DNAH6: variants seen among roughly 807,000 people sequenced by gnomAD.
DNAH6 encodes dynein axonemal heavy chain 6.
A neutral mutation model predicts 491.4 loss-of-function variants in DNAH6; 340 were observed. That is an observed-to-expected ratio of 0.69 (90% CI 0.63 to 0.76). The LOEUF is 0.76. DNAH6 is among the 30% of genes least tolerant of loss of function. The probability of loss-of-function intolerance (pLI) is 0.00; values close to 1 mark genes in which losing one functional copy is unlikely to be tolerated. For synonymous variants in DNAH6, 1,603 were observed against 1,686.1 expected, an observed-to-expected ratio of 0.95 and a Z score of 1.21; for missense variants, 4,443 against 4,972.2, an observed-to-expected ratio of 0.89 and a Z score of 3.20.
At chr2:84,580,809 T>G (rs1381883325) in intron 14 of DNAH6, among the ~76,000 whole-genome samples, 1 of 152,090 alleles carries the variant, frequency 6.6e-6, no homozygotes, top group East Asian at 1.9e-4. Context: ...GGATCCTACT[T>G]AAGGATTCAG....
chr2:84,795,626 G>A (rs1678269943), intron 68 of DNAH6, among the ~76,000 whole-genome samples: 1 of 152,182 alleles, frequency 6.6e-6, no homozygotes, highest in Non-Finnish European at 1.5e-5. Context: ...CACTACAGTG[G>A]TGAATGGTGA....
At chr2:84,620,502 C>G (rs980401729) in intron 24 of DNAH6, among the ~76,000 whole-genome samples, 1 of 152,132 alleles carries the variant, frequency 6.6e-6, no homozygotes, top group Non-Finnish European at 1.5e-5. Context: ...TGCACACACA[C>G]ACAAAGTCAA....
chr2:84,771,684 T>TG (rs1001937238), intron 64 of DNAH6, among the ~76,000 whole-genome samples: 38 of 152,276 alleles, frequency 2.5e-4, no homozygotes, highest in Admixed American at 9.8e-4. Context: ...CAAAGTGCTG[T>TG]GGGGGAAAGA....
At chr2:84,665,167 C>T (rs960702043) in intron 37 of DNAH6, among the ~76,000 whole-genome samples, 21 of 151,942 alleles carry the variant, frequency 1.4e-4, no homozygotes, top group South Asian at 4.2e-4. Context: ...AAATTGACAC[C>T]CTAGCATCAC....
At position 84,579,620 on chromosome 2, in the gene DNAH6, C is replaced by T. The variant is rs142042706; in HGVS notation, c.2170C>T (p.Pro724Ser). 97 of 1,611,210 alleles carry T rather than the reference C, an allele frequency of 6.0e-5. 1 individual carries two copies. The Middle Eastern group carries it at 6.6e-4, about 11-fold the overall frequency. ...TGCAGAGTATAAACTTGAGTTTGTT[C>T]CAACTACTACCACAGAATATGTTCA... ...QDAEYKLEFV[P>S]TTTTEYVHSL... The change falls in exon 14 of 77, where the codon CCA becomes TCA. Residue 724 changes from proline to serine, a missense_variant. By Grantham distance (74) the Pro-to-Ser change is moderately conservative (BLOSUM62 -1). Around this residue, in one of 3 missense-constraint regions of DNAH6, gnomAD observed 2,977 missense variants for 3,296.6 expected, o/e 0.90. Transcript: ENST00000389394.
At chr2:84,668,158 G>A (rs907546665) in intron 37 of DNAH6, among the ~76,000 whole-genome samples, 2 of 152,176 alleles carry the variant, frequency 1.3e-5, no homozygotes, top group Admixed American at 1.3e-4. Context: ...GTTAACAGGT[G>A]CAGGGCACCA....
chr2:84,704,425 A>ATTGATT, intron 51 of DNAH6, 123 bp downstream of exon 51: 2 of 730,968 alleles, frequency 2.7e-6, no homozygotes, highest in Non-Finnish European at 4.4e-6. Flanking sequence ...TGGTCATTCA[A>ATTGATT]CAAATTGATT....
chr2:84,815,846 G>A lies in DNAH6; in HGVS notation c.12151-15G>A, dbSNP rs1432568849. On this transcript the variant is annotated splice_polypyrimidine_tract_variant and intron_variant, in intron 75 of 76. Coordinates refer to ENST00000389394, the MANE Select transcript of DNAH6 (RefSeq NM_001370.2). The stretch of plus-strand genomic sequence containing the variant: ...TTTCCCCCATCTCACTTTGAGACTT[G>A]TGGGTATCTTTCAGTTGCCCTCTCC... The A allele has an allele frequency of 9.7e-6, 15 of 1,540,788 alleles. No individual in the cohort carries two copies. Among genetic ancestry groups the A allele is most frequent in the Non-Finnish European group, 1.3e-5 (15 of 1,138,530 alleles).
chr2:84,604,202 A>C, intron 18 of DNAH6, 137 bp from the exon 19 acceptor site: 1 of 669,494 alleles, frequency 1.5e-6, no homozygotes, highest in Non-Finnish European at 2.5e-6. Context: ...ATTTGCAGTC[A>C]TCCAGATTTT....
rs200462540 is a variant in DNAH6, at chr2:84,672,393, A to G, written c.6521A>G (p.Tyr2174Cys). 5.5e-5 allele frequency: 85 copies of G among 1,551,740 alleles called. No homozygotes were observed. Among genetic ancestry groups the G allele is most frequent in the Middle Eastern group, 1.7e-4 (1 of 5,992 alleles). The change falls in exon 40 of 77, where the codon TAT (tyrosine) becomes TGT (cysteine). Residue 2174 changes from tyrosine (Y) to cysteine (C), a missense_variant. Physicochemically the swap from Tyr to Cys is radical, Grantham distance 194 (BLOSUM62 -2). This residue lies in a region of DNAH6 where 2,977 missense variants were observed against 3,296.6 expected (regional missense o/e 0.90). Transcript: ENST00000389394. The stretch of plus-strand genomic sequence containing the variant: ...TTAAACATGCCCAGACTGGATCGCT[A>G]TGGCTCTCAGCCTCCGATTGAATTA... Reference protein sequence around the residue: ...DDLNMPRLDRYGSQPPIELLR... With the variant: ...DDLNMPRLDRCGSQPPIELLR...
intron 11 of DNAH6, 91 bp from the exon 12 acceptor site, chr2:84,573,376 G>A: frequency 3.7e-6 from 4 of 1,085,466 alleles, no homozygotes; most frequent in Non-Finnish European, 5.3e-6. Context: ...TAGAGTTTGT[G>A]TGCTTGCTTG....
chr2:84,792,687 G>A (rs1388631124), intron 68 of DNAH6, among the ~76,000 whole-genome samples: 3 of 152,170 alleles, frequency 2.0e-5, no homozygotes, highest in African/African-American at 4.8e-5. Context: ...TAAGCCGGGG[G>A]CATATCCTGA....
chr2:84,743,803 CAG>C (rs900516209), intron 62 of DNAH6, among the ~76,000 whole-genome samples: 2 of 152,188 alleles, frequency 1.3e-5, no homozygotes, highest in African/African-American at 4.8e-5. Flanking sequence ...GCCTGGGCAA[CAG>C]AGCAAGAATC....
In DNAH6 at chr2:84,547,283, C is replaced by G. The variant is rs780554299; in HGVS notation, c.946C>G (p.Leu316Val). The G allele has an allele frequency of 2.5e-5, 38 of 1,541,266 alleles. No homozygotes were observed. The highest frequency in any genetic ancestry group is 3.3e-5 in the Non-Finnish European group (38 of 1,143,130). ...FIVNPHLRPA[L>V]LKINELCYHL... ...TTTCATTCAGCATTTGCGACCAGCT[C>G]TTCTTAAAATAAATGAATTGTGTTA... Residue 316 changes from leucine (L) to valine (V), a missense_variant, in exon 6 of 77, where the codon CTT (leucine) becomes GTT (valine). Physicochemically the swap from Leu to Val is conservative, Grantham distance 32. Transcript: ENST00000389394.
At chr2:84,675,853 T>A (rs1436735714) in intron 40 of DNAH6, among the ~76,000 whole-genome samples, 1 of 152,054 alleles carries the variant, frequency 6.6e-6, no homozygotes, top group Admixed American at 6.6e-5. Context: ...AGGGACTGGG[T>A]TTCGTCGTGT....
chr2:84,555,050 C>T (rs1558705794), intron 10 of DNAH6, among the ~76,000 whole-genome samples: 1 of 152,114 alleles, frequency 6.6e-6, no homozygotes, highest in African/African-American at 2.4e-5. Context: ...TTCATATAAC[C>T]CAAAATCAGC....
At chr2:84,599,653 C>T (rs1353766608) in intron 18 of DNAH6, among the ~76,000 whole-genome samples, 6 of 151,580 alleles carry the variant, frequency 4.0e-5, no homozygotes, top group Non-Finnish European at 5.9e-5. Context: ...CACCTTTGCA[C>T]ATTTGCCAAA....
chr2:84,591,641 C>T (rs72941027), intron 16 of DNAH6, among the ~76,000 whole-genome samples: 6,168 of 152,118 alleles, frequency 0.041, 404 homozygotes, highest in African/African-American at 0.14. Context: ...CAGAGGACCT[C>T]GAGTACCCAA....
intron 45 of DNAH6, among the ~76,000 whole-genome samples, chr2:84,691,417 G>C (rs1472768321): frequency 6.6e-6 from 1 of 152,094 alleles, no homozygotes; most frequent in Non-Finnish European, 1.5e-5. Context: ...TTTTATGCTC[G>C]CCTGGGCAGC....
Sources: allele counts gnomAD v4.1 joint callset (sites outside exome capture counted in the v4.1 genomes callset), GRCh38; gene constraint gnomAD v4.1.1; regional missense constraint gnomAD v4.1.1; transcripts MANE v1.5; gene names NCBI Gene and HGNC (gene_info 2026-07-23, HGNC 2026-07-21).